Variants in PRSS12 observed in about 807,000 individuals in gnomAD.
The protein encoded by PRSS12 is neurotrypsin.
Under a neutral mutation model 104.4 loss-of-function variants are expected in PRSS12, and 85 were observed. The ratio of observed to expected loss-of-function variants is 0.81; its 90% confidence interval spans 0.68 to 0.98. The LOEUF is 0.98. Ranked by LOEUF, PRSS12 falls within the 50% of genes least tolerant of loss-of-function variation. The pLI is 0.00. For synonymous variants in PRSS12, 454 were observed against 425.2 expected (o/e 1.07, Z -0.83); for missense variants, 1,141 against 1,139.2 (o/e 1.00, Z -0.02).
intron 8 of PRSS12, among the ~76,000 whole-genome samples, chr4:118,308,086 C>T (rs976024399): frequency 5.3e-5 from 8 of 152,172 alleles, no homozygotes; most frequent in African/African-American, 1.7e-4. Context: ...ATTTCAATAA[C>T]TCTAGAGTCC....
At position 118,281,960 on chromosome 4, in the gene PRSS12, C is replaced by G. The variant is rs903423887; in HGVS notation, c.2604G>C (p.Trp868Cys). The change falls in exon 13 of 13, where the codon TGG becomes TGC. Residue 868 changes from tryptophan to cysteine, a missense_variant. Trp to Cys is a radical substitution (Grantham distance 215). Transcript: ENST00000296498. ...VYTKVSAFVP[W>C]IKSVTKL Reference sequence around the variant, plus strand: ...ATTACAGTTTGGTGACACTTTTTATCCAAGGTACAAAGGCTGAGACTTTGG... The same window carrying G: ...ATTACAGTTTGGTGACACTTTTTATGCAAGGTACAAAGGCTGAGACTTTGG... 6 of 1,409,356 alleles carry G rather than the reference C, an allele frequency of 4.3e-6. No homozygotes were observed. In the African/African-American group the frequency reaches 8.5e-5, roughly 20 times the overall value. The allele number at this position is 1,409,356 out of a possible 1,614,324, so 87.3% of individuals were successfully genotyped here. A position where few individuals can be genotyped will look rare whatever the true frequency, so the allele number is the denominator to read the frequency against.
intron 7 of PRSS12, among the ~76,000 whole-genome samples, chr4:118,311,364 A>G (rs1422736327): frequency 4.6e-5 from 7 of 152,132 alleles, no homozygotes; most frequent in African/African-American, 1.4e-4. Flanking sequence ...TTGACATATA[A>G]AGTTAAGGTC....
chr4:118,283,871 T>G (rs1419071461), intron 11 of PRSS12, among the ~76,000 whole-genome samples: 1 of 152,224 alleles, frequency 6.6e-6, no homozygotes, highest in Admixed American at 6.5e-5. Flanking sequence ...AGGTCAGAGA[T>G]ATCTTTGTTG....
At chr4:118,295,455 T>G (rs1743232416) in intron 10 of PRSS12, among the ~76,000 whole-genome samples, 1 of 152,196 alleles carries the variant, frequency 6.6e-6, no homozygotes, top group Non-Finnish European at 1.5e-5. Context: ...TTAAACTGAG[T>G]CAAGTCTGAA....
intron 7 of PRSS12, chr4:118,312,963 T>C (rs898688374): frequency 1.3e-5 from 7 of 540,212 alleles, no homozygotes; most frequent in African/African-American, 1.1e-4. Context: ...ACATTGTTAG[T>C]GAGGAACTTA....
At position 118,280,141 on chromosome 4, in the gene PRSS12, A is replaced by G. The variant is rs1233807611; in HGVS notation, c.*1795T>C. 1.3e-5 allele frequency: 2 copies of G among 152,262 alleles called. No individual in the cohort carries two copies. Among genetic ancestry groups the G allele is most frequent in the Admixed American group, 1.3e-4 (2 of 15,284 alleles). 9.4% of individuals were successfully genotyped at this position (152,262 alleles called of 1,614,324 possible). A position where few individuals can be genotyped will look rare whatever the true frequency, so the allele number is the denominator to read the frequency against. Reference sequence around the variant, plus strand: ...ATAGTAAAAGCATGTTGTATGAACCATGTATTCTTAAGGATTGAGCAAACT... The same window carrying G: ...ATAGTAAAAGCATGTTGTATGAACCGTGTATTCTTAAGGATTGAGCAAACT... On this transcript the variant is annotated 3_prime_UTR_variant, in exon 13 of 13. Coordinates refer to ENST00000296498, the MANE Select transcript of PRSS12 (RefSeq NM_003619.4).
At chr4:118,321,791 A>G (rs1261701265) in intron 4 of PRSS12, among the ~76,000 whole-genome samples, 2 of 152,234 alleles carry the variant, frequency 1.3e-5, no homozygotes, top group African/African-American at 4.8e-5. Flanking sequence ...GAATCAATCA[A>G]TATCTTAACA....
In PRSS12 at chr4:118,338,380, C is replaced by A; in HGVS notation, c.503-66G>T. On this transcript the variant is annotated intron_variant, in intron 1 of 12. Coordinates refer to ENST00000296498, the MANE Select transcript of PRSS12 (RefSeq NM_003619.4). ...AATCATTTGAACATATTGAGCCAGT[C>A]CTGGGTTAACATGATTTTTAAACTT... 2.5e-6 allele frequency: 4 copies of A among 1,584,836 alleles called. No homozygotes were observed. In the South Asian group the frequency reaches 4.5e-5, roughly 18 times the overall value.
chr4:118,309,281 C>A (rs774396806), intron 7 of PRSS12, among the ~76,000 whole-genome samples: 4 of 152,096 alleles, frequency 2.6e-5, no homozygotes, highest in Non-Finnish European at 5.9e-5. Context: ...TATCACCACA[C>A]CAATAATTAT....
rs1742916433 is a variant in PRSS12 at position 118,282,817 on chromosome 4, TG to T, written c.2320+13del. On this transcript the variant is annotated intron_variant, in intron 12 of 12. Coordinates refer to ENST00000296498, the MANE Select transcript of PRSS12 (RefSeq NM_003619.4). ...ACACAAAAAGGTGCCCTGCTTTTTT[TG>T]ATTATGCCTTACCTGTGTCACCCCA... 1 of 1,613,946 alleles carries T rather than the reference TG, an allele frequency of 6.2e-7. No homozygotes were observed. Among genetic ancestry groups the T allele is most frequent in the African/African-American group, 1.3e-5 (1 of 74,944 alleles).
At chr4:118,322,810 C>T (rs562115491) in intron 4 of PRSS12, among the ~76,000 whole-genome samples, 1 of 151,856 alleles carries the variant, frequency 6.6e-6, no homozygotes, top group South Asian at 2.1e-4. Flanking sequence ...AGCCCTATGC[C>T]CTAGAGGAGA....
At chr4:118,312,309 G>A (rs60801101) in intron 7 of PRSS12, among the ~76,000 whole-genome samples, 46 of 151,860 alleles carry the variant, frequency 3.0e-4, no homozygotes, top group African/African-American at 1.1e-3. Context: ...TTCAATCCAA[G>A]GTTAAAAGTA....
At chr4:118,320,520 G>A (rs1723585642) in intron 4 of PRSS12, among the ~76,000 whole-genome samples, 1 of 152,176 alleles carries the variant, frequency 6.6e-6, no homozygotes. Flanking sequence ...GGGAAGCCAA[G>A]GTGGGTGGAC....
At chr4:118,325,554 C>T (rs1222872088) in intron 4 of PRSS12, among the ~76,000 whole-genome samples, 1 of 152,162 alleles carries the variant, frequency 6.6e-6, no homozygotes, top group East Asian at 1.9e-4. Context: ...TTTACATATT[C>T]ACACATTGCT....
chr4:118,302,082 A>T (rs774049080), intron 8 of PRSS12, among the ~76,000 whole-genome samples: 1 of 152,196 alleles, frequency 6.6e-6, no homozygotes, highest in African/African-American at 2.4e-5. Flanking sequence ...ATTTTATCAT[A>T]TAACTTTTCA....
At chr4:118,320,125 A>T (rs757002422) in intron 4 of PRSS12, among the ~76,000 whole-genome samples, 6 of 152,184 alleles carry the variant, frequency 3.9e-5, no homozygotes, top group Non-Finnish European at 7.3e-5. Flanking sequence ...ATAATTTCAG[A>T]TATTGCATTT....
chr4:118,285,433 C>T (rs1170993057), intron 11 of PRSS12, among the ~76,000 whole-genome samples: 1 of 151,958 alleles, frequency 6.6e-6, no homozygotes, highest in African/African-American at 2.4e-5. Context: ...AAGTAAAACC[C>T]CAAATGATTT....
At chr4:118,293,555 A>G (rs1346225839) in intron 11 of PRSS12, among the ~76,000 whole-genome samples, 1 of 152,214 alleles carries the variant, frequency 6.6e-6, no homozygotes, top group Non-Finnish European at 1.5e-5. Context: ...CTTAGCACAC[A>G]GAACATATCC....
chr4:118,312,724 G>A (rs555343139), intron 7 of PRSS12, among the ~76,000 whole-genome samples: 1 of 152,270 alleles, frequency 6.6e-6, no homozygotes, highest in African/African-American at 2.4e-5. Context: ...AGACCACTGA[G>A]ACACTTAAAA....
Sources: allele counts gnomAD v4.1 joint callset (sites outside exome capture counted in the v4.1 genomes callset), GRCh38; gene constraint gnomAD v4.1.1; transcripts MANE v1.5; gene names NCBI Gene and HGNC (gene_info 2026-07-23, HGNC 2026-07-21).